The following AFF3 variants were observed in gnomAD, a reference collection of about 807,000 sequenced individuals.
AFF3 encodes the protein ALF transcription elongation factor 3.
Under a neutral mutation model 129.7 loss-of-function variants are expected in AFF3, and 32 were observed. That is an observed-to-expected ratio of 0.25 (90% CI 0.19 to 0.33). AFF3 has a LOEUF of 0.33. Ranked by LOEUF, AFF3 falls within the 10% of genes least tolerant of loss-of-function variation. AFF3 has a pLI of 1.00. For missense variants in AFF3, 1,373 were observed against 1,592.0 expected, an observed-to-expected ratio of 0.86 and a Z score of 2.34; for synonymous variants, 644 against 635.4, an observed-to-expected ratio of 1.01 and a Z score of -0.20.
At chr2:100,080,928 G>T (rs1219082488) in intron 4 of AFF3, among the ~76,000 whole-genome samples, 1 of 152,176 alleles carries the variant, frequency 6.6e-6, no homozygotes, top group Non-Finnish European at 1.5e-5. Flanking sequence ...TCACAGTAGA[G>T]ATCTGGGATA....
chr2:100,028,266 A>G (rs1177710513), intron 4 of AFF3, among the ~76,000 whole-genome samples: 1 of 152,214 alleles, frequency 6.6e-6, no homozygotes, highest in Non-Finnish European at 1.5e-5. Context: ...AGAATCTTTA[A>G]AAAGAACACT....
chr2:99,880,274 C>T (rs982377886), intron 7 of AFF3, among the ~76,000 whole-genome samples: 19 of 152,312 alleles, frequency 1.2e-4, no homozygotes, highest in Admixed American at 4.6e-4. Context: ...AAGCAAGACA[C>T]GCACTGCCTG....
intron 13 of AFF3, among the ~76,000 whole-genome samples, chr2:99,615,152 T>C (rs908148675): frequency 6.6e-6 from 1 of 152,228 alleles, no homozygotes; most frequent in Admixed American, 6.5e-5. Flanking sequence ...TGGAGATCTG[T>C]ACATGTCACT....
At chr2:99,639,481 A>T (rs1444854899) in intron 13 of AFF3, among the ~76,000 whole-genome samples, 6 of 151,916 alleles carry the variant, frequency 3.9e-5, no homozygotes, top group Non-Finnish European at 2.9e-5. Context: ...CTGCATGGAG[A>T]CTCAGTTGGC....
At chr2:99,631,411 A>T (rs1012796866) in intron 13 of AFF3, among the ~76,000 whole-genome samples, 3 of 152,234 alleles carry the variant, frequency 2.0e-5, no homozygotes, top group Admixed American at 6.5e-5. Flanking sequence ...GTTAAAGTAC[A>T]TTCACACTGC....
intron 7 of AFF3, among the ~76,000 whole-genome samples, chr2:99,996,626 C>T (rs551787956): frequency 4.8e-4 from 72 of 151,434 alleles, no homozygotes; most frequent in Admixed American, 2.7e-3. Context: ...GTGATCCGCC[C>T]GCCTCAGCCT....
In AFF3 at chr2:99,943,818, G is replaced by A. The variant is rs569503103; in HGVS notation, c.873+62814C>T. 1.4e-4 allele frequency among the ~76,000 whole-genome samples: 21 copies of A among 152,118 alleles called. No individual in the cohort carries two copies. The South Asian group carries it at 1.9e-3, about 14-fold the overall frequency. On this transcript the variant is annotated intron_variant, in intron 7 of 24. Transcript: ENST00000672756. ...GCTGATGAGTTTAGTGGAGTCTCCC[G>A]GTAATTTCCCTCTTGTATTGCATGT...
At chr2:100,129,891 G>A (rs1692351987) in intron 1 of AFF3, among the ~76,000 whole-genome samples, 2 of 152,170 alleles carry the variant, frequency 1.3e-5, no homozygotes, top group Admixed American at 6.5e-5. Flanking sequence ...TATGAGGCCT[G>A]CAATGAGTGA....
chr2:99,575,543 G>A (rs1352362913), intron 18 of AFF3, among the ~76,000 whole-genome samples: 2 of 151,454 alleles, frequency 1.3e-5, no homozygotes, highest in African/African-American at 2.4e-5. Context: ...TTACAGGCAT[G>A]AGCCACCGCG....
intron 11 of AFF3, among the ~76,000 whole-genome samples, chr2:99,704,510 C>T (rs976115659): frequency 2.0e-4 from 30 of 152,266 alleles, no homozygotes; most frequent in African/African-American, 7.2e-4. Context: ...TCCCCTTGCC[C>T]ACTCTTGGTC....
At chr2:99,976,227 G>GA (rs1678875249) in intron 7 of AFF3, among the ~76,000 whole-genome samples, 1 of 151,954 alleles carries the variant, frequency 6.6e-6, no homozygotes, top group African/African-American at 2.4e-5. Context: ...ACTTCAACAG[G>GA]AATCTCTTTT....
chr2:99,549,598 AG>A lies in AFF3; in HGVS notation c.*1875del, dbSNP rs1674268483. 5.0e-6 allele frequency: 1 copy of A among 198,428 alleles called. No homozygotes were observed. Among genetic ancestry groups the A allele is most frequent in the African/African-American group, 2.3e-5 (1 of 43,444 alleles). 12.3% of individuals were successfully genotyped at this position (198,428 alleles called of 1,614,324 possible). ...AAACTCGTCTCAAAAAAAAAGTGAA[AG>A]GGTTGTAAGAAGCACCCCAGTTGGA... is the stretch of plus-strand genomic sequence containing the variant. On this transcript the variant is annotated 3_prime_UTR_variant, in exon 25 of 25. Transcript: ENST00000672756.
rs747586448 is a variant in AFF3 at position 99,601,541 on chromosome 2, C to A, written c.1265G>T (p.Ser422Ile). The change falls in exon 14 of 25, where the codon AGC becomes ATC. Residue 422 changes from serine to isoleucine, a missense_variant. Physicochemically the swap from Ser to Ile is moderately radical, Grantham distance 142 (BLOSUM62 -2). Transcript: ENST00000672756. The part of the protein sequence containing the change: ...GSSSSSSSGS[S>I]SSSSDSESSS... ...GCTCTCTGAGTCGCTGGAGGAGCTGCTGCTGCCGCTGCTGCTGCTGCTGCT... is the reference window on the plus strand; with the variant it reads ...GCTCTCTGAGTCGCTGGAGGAGCTGATGCTGCCGCTGCTGCTGCTGCTGCT... 2.5e-6 allele frequency: 4 copies of A among 1,600,848 alleles called. No homozygotes were observed. Among genetic ancestry groups the A allele is most frequent in the Non-Finnish European group, 3.4e-6 (4 of 1,175,562 alleles).
At chr2:99,766,243 T>C (rs998397896) in intron 8 of AFF3, among the ~76,000 whole-genome samples, 1 of 152,262 alleles carries the variant, frequency 6.6e-6, no homozygotes, top group Non-Finnish European at 1.5e-5. Context: ...GAGGGAAGGT[T>C]AGGACAATCC....
Position 99,578,461 on chromosome 2 carries a change from A to C in AFF3, c.2794-10T>G. 1 of 1,609,134 alleles carries C rather than the reference A, an allele frequency of 6.2e-7. No homozygotes were observed. The highest frequency in any genetic ancestry group is 2.2e-5 in the East Asian group (1 of 44,634). On this transcript the variant is annotated splice_polypyrimidine_tract_variant and intron_variant, in intron 17 of 24. Transcript: ENST00000672756. ...TGTTGTGAGCTGCTTTCTAAACAAC[A>C]AACAACACACATCTTTGAGAAATTG... is the stretch of plus-strand genomic sequence containing the variant.
intron 8 of AFF3, among the ~76,000 whole-genome samples, chr2:99,796,483 T>C (rs1685565533): frequency 6.6e-6 from 1 of 152,052 alleles, no homozygotes; most frequent in Admixed American, 6.6e-5. Flanking sequence ...TCCCAGGAAA[T>C]GAAAAACTGA....
Position 99,594,284 on chromosome 2 carries a change from T to C in AFF3, c.1377A>G (p.Glu459=). 1 of 1,598,494 alleles carries C rather than the reference T, an allele frequency of 6.3e-7. No homozygotes were observed. Among genetic ancestry groups the C allele is most frequent in the Non-Finnish European group, 8.6e-7 (1 of 1,169,274 alleles). ...GCTGCCACTTGTTAGAGGATGCCGG[T>C]TCAGCCTGAAAGCAGAAAACCGGTG... ...KPPHFSSPEA[E]PASSNKWQLD... Residue 459 remains glutamate (E), a synonymous_variant, in exon 15 of 25, where the codon GAA becomes GAG. Coordinates refer to ENST00000672756, the MANE Select transcript of AFF3 (RefSeq NM_001386135.1).
intron 12 of AFF3, among the ~76,000 whole-genome samples, chr2:99,657,446 G>A (rs769012235): frequency 6.6e-6 from 1 of 152,132 alleles, no homozygotes; most frequent in African/African-American, 2.4e-5. Context: ...GGCTTCCCAA[G>A]TTCCTTAAAA....
chr2:99,739,107 G>A (rs1177022418), intron 10 of AFF3, among the ~76,000 whole-genome samples: 2 of 151,042 alleles, frequency 1.3e-5, no homozygotes, highest in Non-Finnish European at 2.9e-5. Context: ...GAATCCGTGA[G>A]GATGGGGGTG....
Sources: allele counts gnomAD v4.1 joint callset (sites outside exome capture counted in the v4.1 genomes callset), GRCh38; gene constraint gnomAD v4.1.1; transcripts MANE v1.5; gene names NCBI Gene and HGNC (gene_info 2026-07-23, HGNC 2026-07-21).